PTN: variants seen among roughly 807,000 people sequenced by gnomAD.
The protein encoded by PTN is pleiotrophin.
In PTN, 18 loss-of-function variants were observed where a neutral mutation model predicts 24.1. The ratio of observed to expected loss-of-function variants is 0.75; its 90% confidence interval spans 0.52 to 1.11. The LOEUF is 1.11. Ranked by LOEUF, PTN falls within the 50% of genes least tolerant of loss-of-function variation. The pLI, the probability that PTN is intolerant of heterozygous loss-of-function variation, is 0.00. For synonymous variants in PTN, 78 were observed against 68.6 expected (o/e 1.14, Z -0.67); for missense variants, 163 against 198.8 (o/e 0.82, Z 1.08).
chr7:137,237,823 C>T (rs1446292220), intron 4 of PTN, among the ~76,000 whole-genome samples: 1 of 152,168 alleles, frequency 6.6e-6, no homozygotes, highest in Non-Finnish European at 1.5e-5. Context: ...CAGCAGCCTT[C>T]AGAGCAGCTT....
At chr7:137,230,119 G>A (rs1238758121) in intron 4 of PTN, among the ~76,000 whole-genome samples, 1 of 151,760 alleles carries the variant, frequency 6.6e-6, no homozygotes, top group East Asian at 1.9e-4. Flanking sequence ...ATAAGTCTGA[G>A]CAGATGACAT....
intron 1 of PTN, among the ~76,000 whole-genome samples, chr7:137,296,549 G>C (rs1809720869): frequency 6.6e-6 from 1 of 151,928 alleles, no homozygotes; most frequent in African/African-American, 2.4e-5. Flanking sequence ...TTTCCAATGA[G>C]TATTCCCTCC....
chr7:137,298,897 C>A (rs894770314), intron 1 of PTN, among the ~76,000 whole-genome samples: 1 of 151,910 alleles, frequency 6.6e-6, no homozygotes, highest in Admixed American at 6.6e-5. Context: ...TTAATAGCAC[C>A]AAGCCGGGGC....
rs372304940 is a variant in PTN at position 137,268,160 on chromosome 7, G to A, written c.-1-13186C>T. Among the ~76,000 whole-genome samples, 4 of 152,076 alleles carry A rather than the reference G, an allele frequency of 2.6e-5. 1 individual carries two copies. The highest frequency in any genetic ancestry group is 9.6e-5 in the African/African-American group (4 of 41,514). On this transcript the variant is annotated intron_variant, in intron 1 of 4. Transcript: ENST00000348225. ...GCCACTGCGTTGATCCTCCACGGGG[G>A]CCTGCCACACACGGCTCTGGCGAGG...
intron 1 of PTN, among the ~76,000 whole-genome samples, chr7:137,265,387 C>A (rs1484872789): frequency 6.6e-6 from 1 of 152,144 alleles, no homozygotes. Context: ...CAGTAAAGGT[C>A]CACCACAATA....
intron 1 of PTN, among the ~76,000 whole-genome samples, chr7:137,322,601 A>G (rs1361354157): frequency 6.6e-6 from 1 of 152,196 alleles, no homozygotes; most frequent in East Asian, 1.9e-4. Context: ...TAAAATTGAT[A>G]TTTATTTAGT....
At chr7:137,333,511 GGAAGT>G in intron 1 of PTN, among the ~76,000 whole-genome samples, 1 of 152,138 alleles carries the variant, frequency 6.6e-6, no homozygotes, top group Non-Finnish European at 1.5e-5. Context: ...CCGTCTTCAA[GGAAGT>G]CACAAAGATG....
chr7:137,272,477 G>A (rs943457144), intron 1 of PTN, among the ~76,000 whole-genome samples: 2 of 152,102 alleles, frequency 1.3e-5, no homozygotes, highest in African/African-American at 4.8e-5. Context: ...TGACAGTATC[G>A]CTATCTCTGG....
rs1363654704 is a variant in PTN, at chr7:137,305,814, AG to A, written c.-2+37624del. On this transcript the variant is annotated intron_variant, in intron 1 of 4. Coordinates refer to ENST00000348225, the MANE Select transcript of PTN (RefSeq NM_002825.7). ...ATACAGAGTTACCACGACCTGGAGC[AG>A]GGAACTTGAGCATCTTCAAAAATTA... 3.3e-5 allele frequency among the ~76,000 whole-genome samples: 5 copies of A among 152,252 alleles called. No homozygotes were observed. The East Asian group carries it at 9.7e-4, about 29-fold the overall frequency.
chr7:137,261,921 G>A (rs1380249338), intron 1 of PTN, among the ~76,000 whole-genome samples: 1 of 152,160 alleles, frequency 6.6e-6, no homozygotes, highest in East Asian at 1.9e-4. Flanking sequence ...CTCAAACAAA[G>A]TACATCAGAT....
At chr7:137,255,563 G>A (rs760639285) in intron 1 of PTN, among the ~76,000 whole-genome samples, 1 of 152,156 alleles carries the variant, frequency 6.6e-6, no homozygotes, top group Non-Finnish European at 1.5e-5. Context: ...CTAACAAAGA[G>A]TGAATCCCAG....
At chr7:137,310,683 C>T (rs2128879768) in intron 1 of PTN, among the ~76,000 whole-genome samples, 1 of 152,212 alleles carries the variant, frequency 6.6e-6, no homozygotes, top group East Asian at 1.9e-4. Flanking sequence ...GGATTATAGT[C>T]ATGAGCCACC....
intron 1 of PTN, among the ~76,000 whole-genome samples, chr7:137,285,989 G>T (rs191632897): frequency 1.6e-4 from 25 of 152,102 alleles, no homozygotes; most frequent in Non-Finnish European, 3.2e-4. Context: ...TTTCACATAC[G>T]TAGGAAATAG....
At chr7:137,285,751 G>A (rs1809543869) in intron 1 of PTN, among the ~76,000 whole-genome samples, 1 of 152,208 alleles carries the variant, frequency 6.6e-6, no homozygotes, top group African/African-American at 2.4e-5. Context: ...TGTTTAATTG[G>A]AGTGTAAATC....
At chr7:137,266,746 A>G (rs912561923) in intron 1 of PTN, among the ~76,000 whole-genome samples, 2 of 151,492 alleles carry the variant, frequency 1.3e-5, no homozygotes, top group Admixed American at 1.3e-4. Flanking sequence ...TACATGTTAC[A>G]CTGTTAACTT....
At chr7:137,255,989 T>C (rs1808915848) in intron 1 of PTN, among the ~76,000 whole-genome samples, 1 of 152,216 alleles carries the variant, frequency 6.6e-6, no homozygotes, top group Admixed American at 6.5e-5. Flanking sequence ...CCAGAGGTAG[T>C]ACTAGATTAG....
At chr7:137,228,606 T>C (rs942283575) in intron 4 of PTN, among the ~76,000 whole-genome samples, 7 of 151,774 alleles carry the variant, frequency 4.6e-5, no homozygotes, top group Admixed American at 1.3e-4. Flanking sequence ...TTTGGCCAGC[T>C]ATCTATGTAA....
chr7:137,232,609 A>C (rs1808447566), intron 4 of PTN, among the ~76,000 whole-genome samples: 1 of 151,932 alleles, frequency 6.6e-6, no homozygotes, highest in South Asian at 2.1e-4. Flanking sequence ...CACCATATTC[A>C]ATCTAGAAAA....
At chr7:137,304,459 A>C (rs1809855603) in intron 1 of PTN, among the ~76,000 whole-genome samples, 1 of 151,918 alleles carries the variant, frequency 6.6e-6, no homozygotes, top group Admixed American at 6.6e-5. Flanking sequence ...CCCATCAAAA[A>C]AAGAGAGAGA....
Sources: allele counts gnomAD v4.1 joint callset (sites outside exome capture counted in the v4.1 genomes callset), GRCh38; gene constraint gnomAD v4.1.1; transcripts MANE v1.5; gene names NCBI Gene and HGNC (gene_info 2026-07-23, HGNC 2026-07-21).